Variants in GPHN observed in about 807,000 individuals in gnomAD.
GPHN encodes gephyrin.
Under a neutral mutation model 95.5 loss-of-function variants are expected in GPHN, and 17 were observed. The ratio of observed to expected loss-of-function variants is 0.18; its 90% CI spans 0.12 to 0.27. The LOEUF (loss-of-function observed/expected upper bound fraction) is 0.27, where lower values mean the gene tolerates loss of function less well. Ranked by LOEUF, GPHN falls within the 10% of genes least tolerant of loss-of-function variation. The pLI, the probability that GPHN is intolerant of heterozygous loss-of-function variation, is 1.00. For missense variants in GPHN, 660 were observed against 978.1 expected (o/e 0.67, Z 4.34); for synonymous variants, 320 against 322.5 (o/e 0.99, Z 0.08).
chr14:67,724,392 G>GTTT, the GPHN span: 2 of 688,750 alleles, frequency 2.9e-6, no homozygotes, highest in Non-Finnish European at 5.0e-6. Flanking sequence ...GCTGGATAGA[G>GTTT]TTTTTTTTTT....
chr14:67,193,498 T>C, the GPHN span, among the ~76,000 whole-genome samples: 2 of 133,312 alleles, frequency 1.5e-5, no homozygotes, highest in African/African-American at 5.4e-5. Flanking sequence ...GCTATATATC[T>C]AGATATCCAT....
intron 11 of GPHN, among the ~76,000 whole-genome samples, chr14:67,080,334 C>G (rs1160925169): frequency 6.6e-6 from 1 of 151,142 alleles, no homozygotes; most frequent in East Asian, 1.9e-4. Context: ...ATATGATTTG[C>G]AATTATTTTC....
At chr14:66,578,523 T>A (rs2060998902) in intron 1 of GPHN, among the ~76,000 whole-genome samples, 1 of 151,562 alleles carries the variant, frequency 6.6e-6, no homozygotes, top group South Asian at 2.1e-4. Context: ...TTAGTAAAAC[T>A]CTCAGAAGCG....
the GPHN span, among the ~76,000 whole-genome samples, chr14:67,426,652 C>G: frequency 6.6e-6 from 1 of 152,016 alleles, no homozygotes; most frequent in Non-Finnish European, 1.5e-5. Context: ...CTTGGCTCAC[C>G]GCAACCTCCG....
intron 8 of GPHN, among the ~76,000 whole-genome samples, chr14:66,927,665 T>G (rs965312918): frequency 3.3e-5 from 5 of 152,188 alleles, no homozygotes; most frequent in Non-Finnish European, 7.3e-5. Flanking sequence ...AGTATGATAC[T>G]AGATGTGGGT....
chr14:66,743,307 C>G (rs935924190), intron 2 of GPHN, among the ~76,000 whole-genome samples: 8 of 151,704 alleles, frequency 5.3e-5, no homozygotes. Context: ...TATCTACAAA[C>G]TTAGAGAAAA....
At chr14:66,613,920 A>G (rs2062887780) in intron 1 of GPHN, among the ~76,000 whole-genome samples, 1 of 152,106 alleles carries the variant, frequency 6.6e-6, no homozygotes, top group Non-Finnish European at 1.5e-5. Context: ...ATTTGATATT[A>G]TCAGTCTTTC....
At chr14:66,952,469 T>C (rs2068166818) in intron 8 of GPHN, among the ~76,000 whole-genome samples, 1 of 152,220 alleles carries the variant, frequency 6.6e-6, no homozygotes, top group African/African-American at 2.4e-5. Context: ...TTTTTGATTA[T>C]TAAAATAATG....
chr14:67,650,203 C>T, the GPHN span: 1 of 164,966 alleles, frequency 6.1e-6, no homozygotes, highest in African/African-American at 2.4e-5. Context: ...GCAGTAATAA[C>T]TACATTTCAG....
intron 2 of GPHN, among the ~76,000 whole-genome samples, chr14:66,720,418 G>A (rs1037805135): frequency 3.9e-5 from 6 of 152,072 alleles, no homozygotes; most frequent in African/African-American, 1.2e-4. Flanking sequence ...GCTGGGGGTG[G>A]TTGTGCACAT....
At position 66,995,589 on chromosome 14, in the gene GPHN, C is replaced by T. The variant is rs113303881; in HGVS notation, c.964-28044C>T. 8.5e-5 allele frequency among the ~76,000 whole-genome samples: 13 copies of T among 152,246 alleles called. 2 individuals carry two copies. The highest frequency in any genetic ancestry group is 3.1e-4 in the African/African-American group (13 of 41,542). The stretch of plus-strand genomic sequence containing the variant: ...TCATTAAATAAGCATTTATTGAGCA[C>T]CTACTACATTCTGCTGTGCTTGGCA... On this transcript the variant is annotated intron_variant, in intron 9 of 22. Coordinates refer to ENST00000478722, the MANE Select transcript of GPHN (RefSeq NM_020806.5).
chr14:67,207,166 A>G, the GPHN span, among the ~76,000 whole-genome samples: 9 of 152,206 alleles, frequency 5.9e-5, no homozygotes, highest in Non-Finnish European at 1.2e-4. Flanking sequence ...ATTGCTATAA[A>G]GAAATATCTG....
At chr14:67,642,793 C>CTTTTTTTTTTTTTTTTTTTTTTT in the GPHN span, among the ~76,000 whole-genome samples, 9 of 75,556 alleles carry the variant, frequency 1.2e-4, 1 homozygote, top group African/African-American at 4.4e-4. Context: ...ACTACATTTT[C>CTTTTTTTTTTTTTTTTTTTTTTT]TTTTTTTTTT....
chr14:67,188,951 A>G, the GPHN span, among the ~76,000 whole-genome samples: 1 of 151,778 alleles, frequency 6.6e-6, no homozygotes, highest in Non-Finnish European at 1.5e-5. Context: ...TTGCTCTTCC[A>G]AAGTGCTGGG....
the GPHN span, among the ~76,000 whole-genome samples, chr14:67,665,568 T>G: frequency 6.6e-6 from 1 of 152,254 alleles, no homozygotes; most frequent in African/African-American, 2.4e-5. Flanking sequence ...CACCTGTCCT[T>G]GTATCCCACT....
the GPHN span, among the ~76,000 whole-genome samples, chr14:67,309,307 T>C: frequency 6.6e-6 from 1 of 152,212 alleles, no homozygotes; most frequent in Non-Finnish European, 1.5e-5. Flanking sequence ...GTGGAATATA[T>C]GGATAAAAGT....
chr14:67,002,108 G>A (rs2072271651), intron 9 of GPHN, among the ~76,000 whole-genome samples: 1 of 151,422 alleles, frequency 6.6e-6, no homozygotes, highest in South Asian at 2.1e-4. Context: ...TTAAGATCCT[G>A]TAAAGATGTT....
the GPHN span, among the ~76,000 whole-genome samples, chr14:67,193,954 C>CAAAAAAAAAAACA: frequency 1.3e-3 from 111 of 85,736 alleles, 1 homozygote; most frequent in African/African-American, 4.3e-3. Flanking sequence ...CAAAAAAAAA[C>CAAAAAAAAAAACA]AAAAAAAAAA....
intron 2 of GPHN, among the ~76,000 whole-genome samples, chr14:66,687,661 G>A (rs1432468254): frequency 6.6e-6 from 1 of 151,578 alleles, no homozygotes; most frequent in Non-Finnish European, 1.5e-5. Context: ...GGCTAATTTT[G>A]TGTTTTTAGT....
Sources: gnomAD v4.1 joint callset for allele counts (sites outside exome capture counted in the v4.1 genomes callset) on GRCh38, gnomAD v4.1.1 for gene constraint, MANE v1.5 for transcripts, NCBI Gene and HGNC (gene_info 2026-07-23, HGNC 2026-07-21) for gene names.